Variants in ZNF721 observed in about 807,000 individuals in gnomAD.
ZNF721 encodes the protein zinc finger protein 721.
A neutral mutation model predicts 2.4 loss-of-function variants in ZNF721; 2 were observed. The observed-to-expected ratio is 0.82, with a 90% confidence interval of 0.34 to 2.58. The LOEUF (loss-of-function observed/expected upper bound fraction) is 2.58, where lower values mean the gene tolerates loss of function less well. ZNF721 is among the 30% of genes most tolerant of loss of function. The pLI, the probability that ZNF721 is intolerant of heterozygous loss-of-function variation, is 0.11. For missense variants in ZNF721, 1,187 were observed against 1,085.5 expected, an observed-to-expected ratio of 1.09 and a Z score of -1.31; for synonymous variants, 398 against 381.8, an observed-to-expected ratio of 1.04 and a Z score of -0.50.
intron 2 of ZNF721, among the ~76,000 whole-genome samples, chr4:456,085 T>TATTTATTG (rs1553865398): frequency 2.6e-5 from 4 of 151,778 alleles, no homozygotes; most frequent in African/African-American, 9.7e-5. Context: ...TTTATTTATT[T>TATTTATTG]ATTGAGATGG....
Position 440,787 on chromosome 4 carries a change from T to C in ZNF721, c.*908A>G, listed in dbSNP as rs1033359772. 1 of 152,358 alleles carries C rather than the reference T, an allele frequency of 6.6e-6. No homozygotes were observed. Among genetic ancestry groups the C allele is most frequent in the African/African-American group, 2.4e-5 (1 of 41,464 alleles). 9.4% of individuals were successfully genotyped at this position (152,358 alleles called of 1,614,324 possible). On this transcript the variant is annotated 3_prime_UTR_variant, in exon 3 of 3. Transcript: ENST00000511833. ...TTCAAGCCATTCTCCTGTCTCAGCC[T>C]CCTGAGTAGCTGGGATTACAGCCAT...
rs782710350 is a variant in ZNF721 at position 443,264 on chromosome 4, T to C, written c.1203A>G (p.Ser401=). The C allele has an allele frequency of 8.1e-6, 13 of 1,612,010 alleles. No individual in the cohort carries two copies. The highest frequency in any genetic ancestry group is 2.7e-5 in the African/African-American group (2 of 74,234). ...TTCTCTTATGTGCAGTAAGGTTTGT[T>C]GAACTATTAAAGGCTTTGCCACACT... The part of the protein sequence containing the change: ...CEECGKAFNS[S]TNLTAHKRIH... Residue 401 remains serine (S), a synonymous_variant, in exon 3 of 3, where the codon TCA becomes TCG. Coordinates refer to ENST00000511833, the MANE Select transcript of ZNF721 (RefSeq NM_133474.4).
At chr4:486,914 C>CA (rs1165203817) in intron 1 of ZNF721, among the ~76,000 whole-genome samples, 2 of 152,062 alleles carry the variant, frequency 1.3e-5, no homozygotes, top group Non-Finnish European at 2.9e-5. Flanking sequence ...ATGACATTCT[C>CA]AAAAAAATCT....
At chr4:466,522 TG>T (rs1715256232) in intron 2 of ZNF721, among the ~76,000 whole-genome samples, 1 of 152,230 alleles carries the variant, frequency 6.6e-6, no homozygotes, top group African/African-American at 2.4e-5. Context: ...GAAAGCTTGT[TG>T]ATAGTGTAGT....
At position 466,230 on chromosome 4, in the gene ZNF721, AC is replaced by A. The variant is rs1553866757; in HGVS notation, c.34+6344del. Among the ~76,000 whole-genome samples the A allele has an allele frequency of 2.0e-5, 3 of 152,032 alleles. No individual in the cohort carries two copies. In the East Asian group the frequency reaches 5.8e-4, roughly 29 times the overall value. On this transcript the variant is annotated intron_variant, in intron 2 of 2. Coordinates refer to ENST00000511833, the MANE Select transcript of ZNF721 (RefSeq NM_133474.4). ...AAGGAATTAAGACACTCTACCTGCC[AC>A]CCTGCATGCGTGTGCACTCGCACAC...
At position 468,427 on chromosome 4, in the gene ZNF721, C is replaced by T. The variant is rs147704521; in HGVS notation, c.34+4148G>A. Among the ~76,000 whole-genome samples the T allele has an allele frequency of 2.6e-4, 39 of 148,782 alleles. No individual in the cohort carries two copies. In the East Asian group the frequency reaches 6.5e-3, roughly 25 times the overall value. ...CCTGGGCGACAGAACCAGATTCCGTCACAAAAAAAAGAAAAAAAAAAACTG... is the reference window on the plus strand; with the variant it reads ...CCTGGGCGACAGAACCAGATTCCGTTACAAAAAAAAGAAAAAAAAAAACTG... On this transcript the variant is annotated intron_variant, in intron 2 of 2. Coordinates refer to ENST00000511833, the MANE Select transcript of ZNF721 (RefSeq NM_133474.4).
chr4:441,894 A>G lies in ZNF721; in HGVS notation c.2573T>C (p.Ile858Thr). ...TGTGTAGGGTTTCTCTCCAGTATGAATTCTCCTATGTACATAAAGGATTGC... is the reference window on the plus strand; with the variant it reads ...TGTGTAGGGTTTCTCTCCAGTATGAGTTCTCCTATGTACATAAAGGATTGC... ...QSAILYVHRR[I>T]HTGEKPYTCG... Residue 858 changes from isoleucine (I) to threonine (T), a missense_variant, in exon 3 of 3, where the codon ATT becomes ACT. By Grantham distance (89) the Ile-to-Thr change is moderately conservative. Transcript: ENST00000511833. The G allele has an allele frequency of 6.2e-7, 1 of 1,613,940 alleles. No homozygotes were observed. The highest frequency in any genetic ancestry group is 1.3e-5 in the African/African-American group (1 of 75,018).
intron 1 of ZNF721, chr4:474,157 G>C: frequency 1.6e-6 from 1 of 640,484 alleles, no homozygotes; most frequent in Non-Finnish European, 2.4e-6. Flanking sequence ...CAAGGCCGCC[G>C]AAGATCCCGG....
intron 2 of ZNF721, among the ~76,000 whole-genome samples, chr4:471,252 T>A (rs1405520517): frequency 6.6e-6 from 1 of 152,228 alleles, no homozygotes; most frequent in Non-Finnish European, 1.5e-5. Flanking sequence ...CTTCTGGTCA[T>A]ACTACCAAAG....
intron 1 of ZNF721, among the ~76,000 whole-genome samples, chr4:498,161 C>G (rs1429302642): frequency 7.1e-6 from 1 of 140,044 alleles, no homozygotes; most frequent in African/African-American, 2.7e-5. Context: ...TCTGAGATCA[C>G]GCCACTGCAT....
rs572016157 is a variant in ZNF721 at position 484,763 on chromosome 4, T to C, written c.-93-12062A>G. 1.4e-4 allele frequency among the ~76,000 whole-genome samples: 22 copies of C among 152,332 alleles called. 1 individual carries two copies. Among genetic ancestry groups the C allele is most frequent in the Admixed American group, 3.3e-4 (5 of 15,298 alleles). ...ATGACAGTGGTGCCCGAAACTTCTTTAGCAATTTTAATTTCACCCTGGCCC... is the reference window on the plus strand; with the variant it reads ...ATGACAGTGGTGCCCGAAACTTCTTCAGCAATTTTAATTTCACCCTGGCCC... On this transcript the variant is annotated intron_variant, in intron 1 of 2. Coordinates refer to ENST00000511833, the MANE Select transcript of ZNF721 (RefSeq NM_133474.4).
chr4:480,735 G>T (rs1560241552), intron 1 of ZNF721, among the ~76,000 whole-genome samples: 1 of 150,762 alleles, frequency 6.6e-6, no homozygotes, highest in East Asian at 1.9e-4. Flanking sequence ...GCTTTCGGAA[G>T]GTAGAGCCGT....
At chr4:475,015 C>G (rs1553868417) in intron 1 of ZNF721, among the ~76,000 whole-genome samples, 1 of 151,780 alleles carries the variant, frequency 6.6e-6, no homozygotes, top group African/African-American at 2.4e-5. Flanking sequence ...GGTGAAACCC[C>G]GTCTCTATTC....
intron 1 of ZNF721, among the ~76,000 whole-genome samples, chr4:494,893 A>ATTTTTTT (rs34855684): frequency 2.2e-5 from 3 of 139,394 alleles, no homozygotes; most frequent in African/African-American, 8.0e-5. Context: ...CAGTGCACTT[A>ATTTTTTT]TTTTTTTTTT....
At chr4:498,566 C>T (rs1009353698) in intron 1 of ZNF721, among the ~76,000 whole-genome samples, 2 of 152,048 alleles carry the variant, frequency 1.3e-5, no homozygotes, top group East Asian at 1.9e-4. Flanking sequence ...AAGAATGAAA[C>T]CCTATCATTT....
intron 2 of ZNF721, among the ~76,000 whole-genome samples, chr4:452,190 A>G (rs1276662857): frequency 3.9e-5 from 6 of 152,222 alleles, no homozygotes; most frequent in Admixed American, 3.9e-4. Context: ...CTGTCCAAAT[A>G]GCCGGTCAGG....
Position 489,827 on chromosome 4 carries a change from G to A in ZNF721, c.-94+9229C>T, listed in dbSNP as rs114291479. 1.7e-3 allele frequency among the ~76,000 whole-genome samples: 253 copies of A among 152,254 alleles called. 1 individual carries two copies. The highest frequency in any genetic ancestry group is 5.9e-3 in the African/African-American group (245 of 41,546). ...TTATTTCTAATTATATATTGATCAC[G>A]TATTAAAACAATAATATTTTGGGTT... is the stretch of plus-strand genomic sequence containing the variant. On this transcript the variant is annotated intron_variant, in intron 1 of 2. Coordinates refer to ENST00000511833, the MANE Select transcript of ZNF721 (RefSeq NM_133474.4).
At position 440,442 on chromosome 4, in the gene ZNF721, C is replaced by G. The variant is rs1437063427; in HGVS notation, c.*1253G>C. The G allele has an allele frequency of 6.6e-6, 1 of 152,072 alleles. No individual in the cohort carries two copies. Among genetic ancestry groups the G allele is most frequent in the African/African-American group, 2.4e-5 (1 of 41,404 alleles). 9.4% of individuals were successfully genotyped at this position (152,072 alleles called of 1,614,324 possible). ...AAAATATATTTCGAATATATCTCTT[C>G]AAAAACCTACTTTTCAACTTATATA... is the stretch of plus-strand genomic sequence containing the variant. On this transcript the variant is annotated 3_prime_UTR_variant, in exon 3 of 3. Transcript: ENST00000511833.
intron 2 of ZNF721, among the ~76,000 whole-genome samples, chr4:470,486 G>C (rs1188648038): frequency 6.6e-6 from 1 of 152,074 alleles, no homozygotes; most frequent in East Asian, 1.9e-4. Flanking sequence ...GAACAAGGCG[G>C]GAGGATCACT....
Sources: gnomAD v4.1 joint callset for allele counts (sites outside exome capture counted in the v4.1 genomes callset) on GRCh38, gnomAD v4.1.1 for gene constraint, MANE v1.5 for transcripts, NCBI Gene and HGNC (gene_info 2026-07-23, HGNC 2026-07-21) for gene names.